Variants in POLA1 observed in about 807,000 individuals in gnomAD.
POLA1 encodes DNA polymerase alpha catalytic subunit.
POLA1 carries 15 observed loss-of-function variants against 124.0 expected under a neutral mutation model. The observed-to-expected ratio is 0.12, with a 90% CI of 0.08 to 0.19. POLA1 has a LOEUF of 0.19. POLA1 is among the 10% of genes least tolerant of loss of function. The probability of loss-of-function intolerance (pLI) is 1.00; values close to 1 mark genes in which losing one functional copy is unlikely to be tolerated. For synonymous variants in POLA1, 408 were observed against 389.4 expected (o/e 1.05, Z -0.56); for missense variants, 886 against 1,103.4 (o/e 0.80, Z 2.79).
intron 36 of POLA1, among the ~76,000 whole-genome samples, chrX:24,974,218 A>G (rs2048338564): frequency 9.0e-6 from 1 of 111,318 alleles, no homozygotes; most frequent in Non-Finnish European, 1.9e-5. Flanking sequence ...GGAACATTTG[A>G]CAATGTCTGG....
At chrX:24,817,564 C>T (rs188954491) in intron 30 of POLA1, among the ~76,000 whole-genome samples, 6 of 100,449 alleles carry the variant, frequency 6.0e-5, no homozygotes, top group Admixed American at 2.2e-4. Context: ...GCTGAGATGG[C>T]GCCACCGCAC....
intron 36 of POLA1, among the ~76,000 whole-genome samples, chrX:24,961,009 T>A (rs1424517266): frequency 8.9e-6 from 1 of 112,562 alleles, no homozygotes; most frequent in Non-Finnish European, 1.9e-5. Flanking sequence ...CACAGGACCT[T>A]AATGTTCTGC....
At chrX:24,871,793 A>G (rs1257677932) in intron 34 of POLA1, among the ~76,000 whole-genome samples, 1 of 111,460 alleles carries the variant, frequency 9.0e-6, no homozygotes, top group African/African-American at 3.3e-5. Context: ...TTTAAATAAG[A>G]CTTATGTTAG....
chrX:24,930,088 G>A (rs1236904962), intron 35 of POLA1, among the ~76,000 whole-genome samples: 2 of 111,990 alleles, frequency 1.8e-5, no homozygotes, highest in East Asian at 2.8e-4. Context: ...CTTCCTGCTA[G>A]CATGGACAGG....
chrX:24,964,204 T>G lies in POLA1; in HGVS notation c.4262-31601T>G, dbSNP rs768940547. ...CTGAAGATCCACCAATTCACAGACT[T>G]TCAGCTAATAAATGTCTTATGATAA... On this transcript the variant is annotated intron_variant, in intron 36 of 36. Coordinates refer to ENST00000379068, the MANE Select transcript of POLA1 (RefSeq NM_001330360.2). Among the ~76,000 whole-genome samples, 4 of 112,382 alleles carry G rather than the reference T, an allele frequency of 3.6e-5. No homozygotes were observed. In the East Asian group the frequency reaches 1.1e-3, roughly 31 times the overall value.
chrX:24,901,820 A>G (rs1272420568), intron 35 of POLA1, among the ~76,000 whole-genome samples: 46 of 111,734 alleles, frequency 4.1e-4, no homozygotes, highest in Non-Finnish European at 3.8e-5. Context: ...ATTGAATTCT[A>G]ATGTATTTAA....
intron 31 of POLA1, among the ~76,000 whole-genome samples, chrX:24,825,193 A>C (rs576356520): frequency 4.4e-5 from 5 of 112,713 alleles, no homozygotes; most frequent in African/African-American, 1.6e-4. Flanking sequence ...AATTATGCCT[A>C]ATTCCTTTTA....
intron 31 of POLA1, among the ~76,000 whole-genome samples, chrX:24,824,900 GC>G (rs1339606201): frequency 9.0e-5 from 10 of 110,844 alleles, no homozygotes; most frequent in Admixed American, 3.8e-4. Context: ...ATTTTTAAAG[GC>G]AGGTGCCTTT....
At chrX:24,827,720 T>C (rs1266304347) in intron 32 of POLA1, among the ~76,000 whole-genome samples, 1 of 112,014 alleles carries the variant, frequency 8.9e-6, no homozygotes, top group East Asian at 2.8e-4. Flanking sequence ...AGTCATGGAA[T>C]AGAGTTACTC....
At chrX:24,885,104 T>C (rs918163010) in intron 34 of POLA1, among the ~76,000 whole-genome samples, 2 of 112,395 alleles carry the variant, frequency 1.8e-5, no homozygotes, top group African/African-American at 6.5e-5. Context: ...GAACATTATA[T>C]TTTAAAAATT....
chrX:24,834,288 A>G (rs1384567679), intron 32 of POLA1, among the ~76,000 whole-genome samples: 2 of 111,730 alleles, frequency 1.8e-5, no homozygotes, highest in Admixed American at 1.9e-4. Context: ...TTTGAGAATT[A>G]TCTTCTCCAG....
In POLA1 at chrX:24,980,316, C is replaced by G. The variant is rs373106024; in HGVS notation, c.4262-15489C>G. On this transcript the variant is annotated intron_variant, in intron 36 of 36. Transcript: ENST00000379068. ...AATGAAATAATGTTTGATGTAACCT[C>G]GAGTTTCTCTCTGAACTCTGACCAC... Among the ~76,000 whole-genome samples the G allele has an allele frequency of 5.4e-5, 6 of 111,991 alleles. No homozygotes were observed. The East Asian group carries it at 1.7e-3, about 31-fold the overall frequency.
At chrX:24,945,893 A>G (rs773056098) in intron 36 of POLA1, among the ~76,000 whole-genome samples, 1 of 111,673 alleles carries the variant, frequency 9.0e-6, no homozygotes, top group Admixed American at 9.6e-5. Flanking sequence ...GGTGCTGTAT[A>G]CGCTAATGTA....
At chrX:24,968,460 G>A (rs1246606052) in intron 36 of POLA1, among the ~76,000 whole-genome samples, 1 of 111,633 alleles carries the variant, frequency 9.0e-6, no homozygotes, top group Non-Finnish European at 1.9e-5. Flanking sequence ...AGCACTTTGG[G>A]AGGCCAAGGC....
intron 34 of POLA1, among the ~76,000 whole-genome samples, chrX:24,874,838 G>GT (rs1384777167): frequency 9.0e-6 from 1 of 111,516 alleles, no homozygotes; most frequent in Non-Finnish European, 1.9e-5. Flanking sequence ...CGCTGCCCTG[G>GT]TGATTCCAGT....
rs1356549512 is a variant in POLA1 at position 24,988,928 on chromosome X, T to G, written c.4262-6877T>G. ...TTGCAGTGAGCCAAGATCCCACCAC[T>G]GCACTCCAGCCTGGGTGACAAAGTG... On this transcript the variant is annotated intron_variant, in intron 36 of 36. Transcript: ENST00000379068. 2.7e-5 allele frequency among the ~76,000 whole-genome samples: 3 copies of G among 111,480 alleles called. No individual in the cohort carries two copies. In the East Asian group the frequency reaches 8.4e-4, roughly 31 times the overall value.
intron 34 of POLA1, among the ~76,000 whole-genome samples, chrX:24,879,556 T>C (rs749876550): frequency 2.7e-5 from 3 of 112,231 alleles, no homozygotes; most frequent in Non-Finnish European, 5.6e-5. Context: ...ACATCCACAG[T>C]ACATGACTGG....
At chrX:24,905,555 C>T (rs969453077) in intron 35 of POLA1, among the ~76,000 whole-genome samples, 1 of 90,113 alleles carries the variant, frequency 1.1e-5, no homozygotes, top group African/African-American at 4.2e-5. Flanking sequence ...ATGGTGAACC[C>T]CCCCCCCCTT....
Position 24,707,530 on chromosome X carries a change from C to T in POLA1, c.346+3061C>T, listed in dbSNP as rs775290069. ...TTGCCACCACCATTCACCCACAAGT[C>T]CCCACTGTTTTAGTGTCCATTACTA... On this transcript the variant is annotated intron_variant, in intron 4 of 36. Coordinates refer to ENST00000379068, the MANE Select transcript of POLA1 (RefSeq NM_001330360.2). Among the ~76,000 whole-genome samples, 4 of 112,189 alleles carry T rather than the reference C, an allele frequency of 3.6e-5. No homozygotes were observed. The East Asian group carries it at 8.4e-4, about 23-fold the overall frequency.
Sources: allele counts gnomAD v4.1 joint callset (sites outside exome capture counted in the v4.1 genomes callset), GRCh38; gene constraint gnomAD v4.1.1; transcripts MANE v1.5; gene names NCBI Gene and HGNC (gene_info 2026-07-23, HGNC 2026-07-21).